CENPI: variants seen among roughly 807,000 people sequenced by gnomAD.
CENPI encodes the protein centromere protein I.
In CENPI, 4 loss-of-function variants were observed where a neutral mutation model predicts 60.4. The observed-to-expected ratio is 0.07, with a 90% CI of 0.03 to 0.15. The LOEUF is 0.15. Ranked by LOEUF, CENPI falls within the 10% of genes least tolerant of loss-of-function variation. The pLI is 1.00. For missense variants in CENPI, 444 were observed against 534.5 expected, an observed-to-expected ratio of 0.83 and a Z score of 1.67; for synonymous variants, 157 against 189.4, an observed-to-expected ratio of 0.83 and a Z score of 1.40.
Position 101,102,582 on chromosome X carries a change from A to G in CENPI, c.364+171A>G, listed in dbSNP as rs187429448. 2.2e-3 allele frequency among the ~76,000 whole-genome samples: 239 copies of G among 108,764 alleles called. 2 individuals carry two copies. The highest frequency in any genetic ancestry group is 7.6e-3 in the African/African-American group (228 of 29,823). 94.4% of individuals were successfully genotyped at this position (108,764 alleles called of 115,157 possible). ...CACTATATTGCCCAGGTTGGTCTCG[A>G]ACTCCTAGACTCAAGTGATCCTCCC... On this transcript the variant is annotated intron_variant, in intron 4 of 21. Transcript: ENST00000682095.
chrX:101,151,884 G>C (rs958492509), intron 20 of CENPI, among the ~76,000 whole-genome samples: 1 of 107,043 alleles, frequency 9.3e-6, no homozygotes, highest in African/African-American at 3.4e-5. Context: ...CAAATATACA[G>C]TTCAAAGGCT....
chrX:101,166,720 A>G (rs2090145398), downstream of CENPI, among the ~76,000 whole-genome samples: 1 of 112,488 alleles, frequency 8.9e-6, no homozygotes, highest in Non-Finnish European at 1.9e-5. Context: ...TTAATGTTCA[A>G]TACTAAAGAA....
At chrX:101,129,928 G>C (rs1265084716) in intron 12 of CENPI, 54 bp from the exon 13 acceptor site, 2 of 825,104 alleles carry the variant, frequency 2.4e-6, no homozygotes, top group African/African-American at 2.0e-5. Context: ...TATGTTTTGT[G>C]CACTTTTTTA....
chrX:101,173,611 GATTAC>G, the CENPI span, among the ~76,000 whole-genome samples: 1 of 110,499 alleles, frequency 9.0e-6, no homozygotes, highest in African/African-American at 3.3e-5. Context: ...AAATGACAAA[GATTAC>G]ATTACAACGA....
intron 6 of CENPI, among the ~76,000 whole-genome samples, chrX:101,119,813 A>G (rs1233389231): frequency 3.6e-5 from 4 of 112,034 alleles, no homozygotes; most frequent in Non-Finnish European, 7.5e-5. Flanking sequence ...ACAACATGGG[A>G]AAATGGTTTT....
intron 6 of CENPI, among the ~76,000 whole-genome samples, chrX:101,113,509 G>C (rs2148155359): frequency 9.1e-6 from 1 of 110,493 alleles, no homozygotes; most frequent in East Asian, 2.8e-4. Context: ...GTAGAGACAG[G>C]GTTTCTCCAG....
At chrX:101,108,221 T>G (rs2089507708) in intron 4 of CENPI, among the ~76,000 whole-genome samples, 1 of 111,410 alleles carries the variant, frequency 9.0e-6, no homozygotes, top group South Asian at 3.8e-4. Context: ...ACTATAGGCA[T>G]GTGCTACCAC....
Position 101,132,414 on chromosome X carries a change from C to T in CENPI, c.1428C>T (p.Asp476=), listed in dbSNP as rs747979880. The change falls in exon 15 of 22, where the codon GAC becomes GAT. Residue 476 remains aspartate (D), a synonymous_variant. Transcript: ENST00000682095. ...TAGAGGTGAAACCACTTCTTTTTGA[C>T]CATCTAGCGCAGCTCTTCTTTACAT... ...SFSEVKPLLF[D]HLAQLFFTST... 6.6e-6 allele frequency: 8 copies of T among 1,209,021 alleles called. No individual in the cohort carries two copies. The South Asian group carries it at 1.2e-4, about 19-fold the overall frequency.
Position 101,130,066 on chromosome X carries a change from T to C in CENPI, c.1280T>C (p.Phe427Ser). The change falls in exon 13 of 22, where the codon TTC becomes TCC. Residue 427 changes from phenylalanine to serine, a missense_variant. By Grantham distance (155) the Phe-to-Ser change is radical. Transcript: ENST00000682095. ...FLDTIIRAEC[F>S]LQEGFYSCEA... ...GATACCATCATCAGGGCAGAGTGCT[T>C]CTTACAAGTAAGATTTCACTTGCTT... 1 of 1,173,723 alleles carries C rather than the reference T, an allele frequency of 8.5e-7. No individual in the cohort carries two copies. Among genetic ancestry groups the C allele is most frequent in the South Asian group, 1.8e-5 (1 of 55,789 alleles).
Position 101,156,154 on chromosome X carries a change from A to G in CENPI, c.2095-5374A>G, listed in dbSNP as rs986991237. On this transcript the variant is annotated intron_variant, in intron 20 of 21. Transcript: ENST00000682095. The stretch of plus-strand genomic sequence containing the variant: ...CAGCCTCCTGAGTAGCTGGGATTAC[A>G]GGCACCCGCCACCACACCCAGCTAA... 2.7e-5 allele frequency among the ~76,000 whole-genome samples: 3 copies of G among 110,703 alleles called. No individual in the cohort carries two copies. In the Admixed American group the frequency reaches 2.9e-4, roughly 11 times the overall value.
chrX:101,117,148 C>T (rs1411012054), intron 6 of CENPI, among the ~76,000 whole-genome samples: 2 of 111,681 alleles, frequency 1.8e-5, no homozygotes, highest in Non-Finnish European at 3.8e-5. Flanking sequence ...AAGTTACTCT[C>T]TTTAGGTTTT....
At position 101,160,578 on chromosome X, in the gene CENPI, C is replaced by T. The variant is rs750150911; in HGVS notation, c.2095-950C>T. Among the ~76,000 whole-genome samples the T allele has an allele frequency of 1.0e-4, 11 of 107,845 alleles. No individual in the cohort carries two copies. The East Asian group carries it at 2.3e-3, about 23-fold the overall frequency. 93.7% of individuals were successfully genotyped at this position (107,845 alleles called of 115,157 possible). A position where few individuals can be genotyped will look rare whatever the true frequency, so the allele number is the denominator to read the frequency against. Reference sequence around the variant, plus strand: ...GTATTTTTTTTTGTTTTAGTAGAGACGGGGCTTCACCACATTGGCCAGGCT... The same window carrying T: ...GTATTTTTTTTTGTTTTAGTAGAGATGGGGCTTCACCACATTGGCCAGGCT... On this transcript the variant is annotated intron_variant, in intron 20 of 21. Transcript: ENST00000682095.
chrX:101,120,427 AT>A lies in CENPI; in HGVS notation c.620del (p.Leu207TyrfsTer13). 1.0e-6 allele frequency: 1 copy of A among 969,241 alleles called. No individual in the cohort carries two copies. Among genetic ancestry groups the A allele is most frequent in the Non-Finnish European group, 1.5e-6 (1 of 678,932 alleles). The allele number at this position is 969,241 out of a possible 1,213,427, so 79.9% of individuals were successfully genotyped here. On this transcript the variant is annotated frameshift_variant, in exon 7 of 22. Transcript: ENST00000682095. LOFTEE classifies it high-confidence loss of function. ...ALCPYVCHLLYLLTKKENVKP... is the reference protein window; with the variant it reads ...ALCPYVCHLLXLLTKKENVKP... The stretch of plus-strand genomic sequence containing the variant: ...TGCCCTTATGTTTGCCATTTGTTAT[AT>A]TTACTTACCAAAAAAGAGAATGGTG...
intron 20 of CENPI, among the ~76,000 whole-genome samples, chrX:101,153,802 T>C (rs1489304873): frequency 8.9e-6 from 1 of 112,263 alleles, no homozygotes; most frequent in Non-Finnish European, 1.9e-5. Flanking sequence ...CTATTGCTTA[T>C]GCTTTTGTTG....
intron 2 of CENPI, 33 bp from the exon 3 acceptor site, chrX:101,101,025 A>G: frequency 1.9e-6 from 2 of 1,030,002 alleles, no homozygotes; most frequent in Non-Finnish European, 2.7e-6. Flanking sequence ...TGTTTGGCTG[A>G]TTAATGATAA....
At chrX:101,181,158 TG>T in the CENPI span, among the ~76,000 whole-genome samples, 1 of 110,884 alleles carries the variant, frequency 9.0e-6, no homozygotes, top group Non-Finnish European at 1.9e-5. Flanking sequence ...TCTACTGCAG[TG>T]ATCTATATGT....
rs771831737 is a variant in CENPI at position 101,163,832 on chromosome X, G to A, written c.*865G>A. 4.5e-5 allele frequency among the ~76,000 whole-genome samples: 5 copies of A among 111,584 alleles called. No homozygotes were observed. In the South Asian group the frequency reaches 1.5e-3, roughly 33 times the overall value. On this transcript the variant is annotated 3_prime_UTR_variant, in exon 22 of 22. Coordinates refer to ENST00000682095, the MANE Select transcript of CENPI (RefSeq NM_001386188.2). ...GGGTGGATCATGAGGTCAGGAGTTCGAGATGAGGCTGGCCAATATGGTAAA... is the reference window on the plus strand; with the variant it reads ...GGGTGGATCATGAGGTCAGGAGTTCAAGATGAGGCTGGCCAATATGGTAAA...
At chrX:101,162,469 A>ATATATATAT (rs1204721257) in intron 21 of CENPI, among the ~76,000 whole-genome samples, 25 of 84,051 alleles carry the variant, frequency 3.0e-4, no homozygotes, top group African/African-American at 1.3e-3. Flanking sequence ...AAAAAAAAAA[A>ATATATATAT]AAAAATATAT....
At chrX:101,147,701 TTTCAAAGGCATTATA>T in intron 18 of CENPI, 47 bp from the exon 19 acceptor site, 1 of 896,472 alleles carries the variant, frequency 1.1e-6, no homozygotes, top group Non-Finnish European at 1.6e-6. Context: ...AATTTTACCA[TTTCAAAGGCATTATA>T]TTCAAAGGCA....
Sources: gnomAD v4.1 joint callset for allele counts (sites outside exome capture counted in the v4.1 genomes callset) on GRCh38, gnomAD v4.1.1 for gene constraint, MANE v1.5 for transcripts, NCBI Gene and HGNC (gene_info 2026-07-23, HGNC 2026-07-21) for gene names.